The following VWF variants were observed in gnomAD, a reference collection of about 807,000 sequenced individuals.
VWF encodes Factor VIII related antigen.
Under a neutral mutation model 308.6 loss-of-function variants are expected in VWF, and 176 were observed. The observed-to-expected ratio is 0.57, with a 90% CI of 0.50 to 0.65. The LOEUF is 0.65. VWF is among the 30% of genes least tolerant of loss of function. The probability of loss-of-function intolerance (pLI) is 0.00; values close to 1 mark genes in which losing one functional copy is unlikely to be tolerated. For missense variants in VWF, 3,146 were observed against 3,648.2 expected (o/e 0.86, Z 3.55); for synonymous variants, 1,385 against 1,443.4 (o/e 0.96, Z 0.92).
In VWF at chr12:5,967,517, C is replaced by A; in HGVS notation, c.7856G>T (p.Cys2619Phe). 6.2e-7 allele frequency: 1 copy of A among 1,614,182 alleles called. No individual in the cohort carries two copies. Among genetic ancestry groups the A allele is most frequent in the Non-Finnish European group, 8.5e-7 (1 of 1,180,026 alleles). The change falls in exon 47 of 52, where the codon TGC (cysteine) becomes TTC (phenylalanine). Residue 2619 changes from cysteine (C) to phenylalanine (F), a missense_variant. By Grantham distance (205) the Cys-to-Phe change is radical. Around this residue, in one of 3 missense-constraint regions of VWF, gnomAD observed 989 missense variants for 1,117.4 expected, o/e 0.89. Transcript: ENST00000261405. ...GCAGGGGTTGCAGGTGGTCTTCCTG[C>A]ACTCCAGCTTGAATCCAGAGATGAC... ...VGVISGFKLECRKTTCNPCPL... is the reference protein window; with the variant it reads ...VGVISGFKLEFRKTTCNPCPL...
In VWF at chr12:6,088,647, C is replaced by T. The variant is rs765511325; in HGVS notation, c.657+6813G>A. On this transcript the variant is annotated intron_variant, in intron 6 of 51. Coordinates refer to ENST00000261405, the MANE Select transcript of VWF (RefSeq NM_000552.5). ...CAAGATCCCTTTGTAAGGTTCAGTCCTTGCTGGCCTTCCCCAGTCTGATCG... is the reference window on the plus strand; with the variant it reads ...CAAGATCCCTTTGTAAGGTTCAGTCTTTGCTGGCCTTCCCCAGTCTGATCG... Among the ~76,000 whole-genome samples, 50 of 151,954 alleles carry T rather than the reference C, an allele frequency of 3.3e-4. No individual in the cohort carries two copies. In the Middle Eastern group the frequency reaches 0.014, roughly 41 times the overall value.
In VWF at chr12:6,039,443, T is replaced by C. The variant is rs115097247; in HGVS notation, c.2443-2952A>G. Among the ~76,000 whole-genome samples the C allele has an allele frequency of 5.7e-3, 864 of 152,304 alleles. 8 individuals are homozygous for C. Among genetic ancestry groups the C allele is most frequent in the Middle Eastern group, 0.02 (6 of 294 alleles). Reference sequence around the variant, plus strand: ...ATCTTTTTTACCTTCCAACTGCCTCTCGTTCATTCTCCTACCCCATCAGTA... The same window carrying C: ...ATCTTTTTTACCTTCCAACTGCCTCCCGTTCATTCTCCTACCCCATCAGTA... On this transcript the variant is annotated intron_variant, in intron 18 of 51. Coordinates refer to ENST00000261405, the MANE Select transcript of VWF (RefSeq NM_000552.5).
intron 37 of VWF, among the ~76,000 whole-genome samples, chr12:5,992,219 C>G (rs1206713219): frequency 2.6e-5 from 4 of 152,230 alleles, no homozygotes; most frequent in Non-Finnish European, 5.9e-5. Context: ...GACTATATTT[C>G]CCAACCTTTC....
chr12:6,113,146 C>A (rs559856016), intron 3 of VWF, among the ~76,000 whole-genome samples: 1 of 152,252 alleles, frequency 6.6e-6, no homozygotes, highest in East Asian at 1.9e-4. Flanking sequence ...GGGGACTTGT[C>A]CTGTTTGAGC....
At chr12:5,950,896 T>C (rs57661704) in intron 50 of VWF, among the ~76,000 whole-genome samples, 25,966 of 152,134 alleles carry the variant, frequency 0.17, 2,424 homozygotes, top group Middle Eastern at 0.22. Flanking sequence ...TCTTAAACCA[T>C]TCAAATGGGA....
chr12:5,969,143 G>A (rs1338405759), intron 45 of VWF, 68 bp downstream of exon 45: 4 of 1,543,230 alleles, frequency 2.6e-6, no homozygotes, highest in Non-Finnish European at 3.5e-6. Context: ...GAATTCAGGA[G>A]CCAAAAGTGG....
At chr12:5,983,542 TGG>T (rs1943635455) in intron 40 of VWF, among the ~76,000 whole-genome samples, 2 of 151,890 alleles carry the variant, frequency 1.3e-5, no homozygotes, top group East Asian at 1.9e-4. Context: ...GATAGATAGA[TGG>T]ATGATAGATA....
chr12:6,017,411 T>C (rs979564039), intron 28 of VWF, among the ~76,000 whole-genome samples: 17 of 152,326 alleles, frequency 1.1e-4, no homozygotes, highest in African/African-American at 3.4e-4. Flanking sequence ...AGCAGAAATA[T>C]TACAAGAATT....
rs1211734561 is a variant in VWF, at chr12:5,966,860, T to C, written c.7887+626A>G. 3.9e-5 allele frequency among the ~76,000 whole-genome samples: 6 copies of C among 152,322 alleles called. No individual in the cohort carries two copies. In the South Asian group the frequency reaches 8.3e-4, roughly 21 times the overall value. ...GCTTGCAGGCCCTGCCCTGCCGCCA[T>C]GGGCTCAAAACTTCCCAGTGAGGTG... On this transcript the variant is annotated intron_variant, in intron 47 of 51. Coordinates refer to ENST00000261405, the MANE Select transcript of VWF (RefSeq NM_000552.5).
At chr12:6,039,250 T>A (rs546723795) in intron 18 of VWF, among the ~76,000 whole-genome samples, 5 of 152,190 alleles carry the variant, frequency 3.3e-5, no homozygotes, top group Non-Finnish European at 5.9e-5. Flanking sequence ...CACCAACTCA[T>A]GACATCTTCA....
chr12:6,019,431 G>A lies in VWF; in HGVS notation c.3987C>T (p.Ile1329=), dbSNP rs138413641. Residue 1329 remains isoleucine, a synonymous_variant, in exon 28 of 52, where the codon ATC becomes ATT. Transcript: ENST00000261405. The surrounding 1 kb of genome is among the most constrained non-coding windows in gnomAD (Gnocchi z 5.8). ...ACGGTCGCTTCCGGTCCTTGAGCCC[G>A]ATGTAGGCGTGGGAGCCGTCGTGGT... is the stretch of plus-strand genomic sequence containing the variant. ...VEYHDGSHAY[I]GLKDRKRPSE... The A allele has an allele frequency of 1.4e-5, 23 of 1,613,906 alleles. No homozygotes were observed. The highest frequency in any genetic ancestry group is 1.7e-5 in the Admixed American group (1 of 60,018).
chr12:6,014,087 T>G (rs74056781), intron 31 of VWF, among the ~76,000 whole-genome samples: 8,494 of 151,712 alleles, frequency 0.056, 726 homozygotes, highest in African/African-American at 0.19. Context: ...AAACCTGATG[T>G]AAGGATGGAA....
At chr12:5,991,204 CACGCAT>C (rs1364116623) in intron 38 of VWF, among the ~76,000 whole-genome samples, 169 of 106,510 alleles carry the variant, frequency 1.6e-3, no homozygotes, top group Admixed American at 3.4e-3. Context: ...CACACACACA[CACGCAT>C]GCACACACAC....
At chr12:5,975,628 G>T (rs1943523945) in intron 43 of VWF, among the ~76,000 whole-genome samples, 1 of 152,178 alleles carries the variant, frequency 6.6e-6, no homozygotes, top group Admixed American at 6.5e-5. Flanking sequence ...AGAAAATTCA[G>T]AGCATACATT....
At chr12:6,116,204 C>T (rs1591927621) in intron 3 of VWF, among the ~76,000 whole-genome samples, 1 of 152,200 alleles carries the variant, frequency 6.6e-6, no homozygotes, top group East Asian at 1.9e-4. Flanking sequence ...GAGAGGCTGG[C>T]TGTCACCCCA....
In VWF at chr12:5,993,883, A is replaced by C; in HGVS notation, c.6577T>G (p.Trp2193Gly). The C allele has an allele frequency of 6.2e-7, 1 of 1,613,542 alleles. No homozygotes were observed. The highest frequency in any genetic ancestry group is 1.1e-5 in the South Asian group (1 of 91,064). Residue 2193 changes from tryptophan to glycine, a missense_variant, in exon 37 of 52, where the codon TGG (tryptophan) becomes GGG (glycine). This residue lies in a region of VWF where 989 missense variants were observed against 1,117.4 expected (regional missense o/e 0.89). Coordinates refer to ENST00000261405, the MANE Select transcript of VWF (RefSeq NM_000552.5). ...TCACCACAGAAATCAGGTGTCCTCC[A>C]GTCAACGCAGACCCCGTTGGTCCGA... Reference protein sequence around the residue: ...LCRTNGVCVDWRTPDFCAMSC... With the variant: ...LCRTNGVCVDGRTPDFCAMSC...
At chr12:5,974,417 C>A (rs1268175053) in intron 43 of VWF, among the ~76,000 whole-genome samples, 1 of 152,164 alleles carries the variant, frequency 6.6e-6, no homozygotes, top group Non-Finnish European at 1.5e-5. Context: ...GCCCTGACCT[C>A]CCTACTCATC....
In VWF at chr12:5,970,307, C is replaced by T. The variant is rs140339317; in HGVS notation, c.7549-916G>A. On this transcript the variant is annotated intron_variant, in intron 44 of 51. Transcript: ENST00000261405. ...CAGCAGCAAAGCCATTGCCAACACC[C>T]AAGTCTTTTAGGTAAGATGGAGACT... Among the ~76,000 whole-genome samples the T allele has an allele frequency of 2.6e-3, 403 of 152,244 alleles. 2 individuals are homozygous for T. Among genetic ancestry groups the T allele is most frequent in the African/African-American group, 9.2e-3 (384 of 41,524 alleles).
rs73261086 is a variant in VWF, at chr12:6,023,485, C to G, written c.3379+146G>C. On this transcript the variant is annotated intron_variant, in intron 25 of 51. Transcript: ENST00000261405. ...TTCTTACACAGCCAATGTCTTAACCCTCCTTAGCCCTTGGCCATCCAGTCC... is the reference window on the plus strand; with the variant it reads ...TTCTTACACAGCCAATGTCTTAACCGTCCTTAGCCCTTGGCCATCCAGTCC... The G allele has an allele frequency of 0.013, 15,421 of 1,181,702 alleles. 1,337 individuals are homozygous for G. The African/African-American group carries it at 0.2, about 15-fold the overall frequency. 73.2% of individuals were successfully genotyped at this position (1,181,702 alleles called of 1,614,324 possible). A position where few individuals can be genotyped will look rare whatever the true frequency, so the allele number is the denominator to read the frequency against.
Sources: gnomAD v4.1 joint callset for allele counts (sites outside exome capture counted in the v4.1 genomes callset) on GRCh38, gnomAD v4.1.1 for gene constraint, gnomAD v4.1.1 regional missense constraint, Gnocchi (gnomAD v3.1) non-coding constraint, MANE v1.5 for transcripts, NCBI Gene and HGNC (gene_info 2026-07-23, HGNC 2026-07-21) for gene names.